Variants in DTNA observed in about 807,000 individuals in gnomAD.
DTNA encodes dystrobrevin alpha, also known as dystrophin-related protein 3.
Under a neutral mutation model 100.7 loss-of-function variants are expected in DTNA, and 43 were observed. The ratio of observed to expected loss-of-function variants is 0.43; its 90% CI spans 0.33 to 0.55. The LOEUF is 0.55. Ranked by LOEUF, DTNA falls within the 20% of genes least tolerant of loss-of-function variation. DTNA has a pLI of 0.04. For missense variants in DTNA, 798 were observed against 953.9 expected, an observed-to-expected ratio of 0.84 and a Z score of 2.15; for synonymous variants, 349 against 347.9, an observed-to-expected ratio of 1.00 and a Z score of -0.04.
intron 7 of DTNA, among the ~76,000 whole-genome samples, chr18:34,816,791 T>A (rs569924568): frequency 6.6e-6 from 1 of 152,354 alleles, no homozygotes; most frequent in South Asian, 2.1e-4. Context: ...ATTTCTTTAA[T>A]ATACATTGCA....
chr18:34,712,197 A>C (rs1274913577), intron 1 of DTNA, among the ~76,000 whole-genome samples: 1 of 152,134 alleles, frequency 6.6e-6, no homozygotes, highest in Non-Finnish European at 1.5e-5. Context: ...AAAGATATAC[A>C]AAAGGTAAAG....
chr18:34,665,564 C>T (rs540945942), intron 1 of DTNA, among the ~76,000 whole-genome samples: 1 of 152,194 alleles, frequency 6.6e-6, no homozygotes, highest in African/African-American at 2.4e-5. Flanking sequence ...CTAATGCTAT[C>T]CCTCCCCACT....
chr18:34,533,902 G>A (rs748518090), intron 1 of DTNA, among the ~76,000 whole-genome samples: 3 of 152,094 alleles, frequency 2.0e-5, no homozygotes, highest in Non-Finnish European at 4.4e-5. Flanking sequence ...TTGGTGAGAC[G>A]TTTTTGTTTG....
Position 34,661,820 on chromosome 18 carries a change from C to A in DTNA, c.-1-94156C>A, listed in dbSNP as rs114050773. On this transcript the variant is annotated intron_variant, in intron 1 of 19. Transcript: ENST00000283365. ...AATTAAGTTATATATTTGGAGAAAT[C>A]AAAAATGTGGCAGCTTTCAAACCCT... Among the ~76,000 whole-genome samples, 721 of 152,176 alleles carry A rather than the reference C, an allele frequency of 4.7e-3. 6 individuals carry two copies. Among genetic ancestry groups the A allele is most frequent in the African/African-American group, 0.016 (660 of 41,546 alleles).
At chr18:34,625,447 A>G (rs550142843) in intron 1 of DTNA, among the ~76,000 whole-genome samples, 1 of 152,236 alleles carries the variant, frequency 6.6e-6, no homozygotes, top group Non-Finnish European at 1.5e-5. Context: ...TGCTGGGATT[A>G]TAGGCGTGAG....
intron 3 of DTNA, among the ~76,000 whole-genome samples, chr18:34,780,386 C>CA (rs2094264147): frequency 6.6e-6 from 1 of 152,066 alleles, no homozygotes; most frequent in Non-Finnish European, 1.5e-5. Flanking sequence ...GCCTTGTCAC[C>CA]AAAAAACACT....
At chr18:34,759,202 C>T (rs2092979312) in intron 2 of DTNA, among the ~76,000 whole-genome samples, 1 of 152,148 alleles carries the variant, frequency 6.6e-6, no homozygotes, top group South Asian at 2.1e-4. Context: ...TAAATATAAA[C>T]ATCATCCTCA....
At chr18:34,668,380 C>T (rs1405157498) in intron 1 of DTNA, among the ~76,000 whole-genome samples, 5 of 152,172 alleles carry the variant, frequency 3.3e-5, no homozygotes, top group Non-Finnish European at 7.3e-5. Flanking sequence ...AAACCAGATC[C>T]TGGATTCGTT....
intron 3 of DTNA, among the ~76,000 whole-genome samples, chr18:34,788,140 G>T (rs1568523124): frequency 6.6e-6 from 1 of 152,108 alleles, no homozygotes; most frequent in African/African-American, 2.4e-5. Context: ...GTGCCATCTA[G>T]TGGTTCATAG....
At chr18:34,690,931 C>A (rs1012837582) in intron 1 of DTNA, among the ~76,000 whole-genome samples, 3 of 152,108 alleles carry the variant, frequency 2.0e-5, no homozygotes, top group Non-Finnish European at 4.4e-5. Context: ...TTTTTATCTC[C>A]TTTTTTAAGG....
chr18:34,571,679 A>T lies in DTNA; in HGVS notation c.-2+78165A>T, dbSNP rs193000741. Among the ~76,000 whole-genome samples the T allele has an allele frequency of 9.1e-4, 138 of 152,262 alleles. 1 individual carries two copies. In the Middle Eastern group the frequency reaches 0.027, roughly 30 times the overall value. On this transcript the variant is annotated intron_variant, in intron 1 of 19. Coordinates refer to the DTNA transcript ENST00000283365. ...CTGCTTTGATGTTAGCAAGAGTTTT[A>T]TCCTGTTTAATTTAAATTAATGAAA...
At chr18:34,699,375 C>T (rs1035061730) in intron 1 of DTNA, among the ~76,000 whole-genome samples, 14 of 152,142 alleles carry the variant, frequency 9.2e-5, no homozygotes, top group African/African-American at 3.4e-4. Context: ...TCTTGCTCAG[C>T]CTTTTGTTTT....
At chr18:34,643,917 AT>A (rs2148413696) in intron 1 of DTNA, among the ~76,000 whole-genome samples, 1 of 152,260 alleles carries the variant, frequency 6.6e-6, no homozygotes, top group East Asian at 1.9e-4. Flanking sequence ...ATATAATATA[AT>A]CTAGATCTAC....
At chr18:34,716,072 A>G (rs1008268557) in intron 1 of DTNA, among the ~76,000 whole-genome samples, 1 of 152,180 alleles carries the variant, frequency 6.6e-6, no homozygotes, top group African/African-American at 2.4e-5. Flanking sequence ...CAAGCTGGCA[A>G]TGTGTAGCAA....
rs372103420 is a variant in DTNA at position 34,675,261 on chromosome 18, T to C, written c.-1-80715T>C. On this transcript the variant is annotated intron_variant, in intron 1 of 19. Transcript: ENST00000283365. ...CGTACCCACCCTGCACAACCAAAAA[T>C]GTCTCCAAACATTGTCATATGTCCC... Among the ~76,000 whole-genome samples, 135 of 152,080 alleles carry C rather than the reference T, an allele frequency of 8.9e-4. 1 individual carries two copies. The South Asian group carries it at 0.027, about 30-fold the overall frequency.
At chr18:34,673,127 C>T (rs1028313063) in intron 1 of DTNA, among the ~76,000 whole-genome samples, 2 of 152,136 alleles carry the variant, frequency 1.3e-5, no homozygotes, top group African/African-American at 4.8e-5. Flanking sequence ...CACTCTGTCA[C>T]TCAGGCTGAA....
chr18:34,766,164 A>G, intron 3 of DTNA, 123 bp downstream of exon 3: 1 of 1,142,950 alleles, frequency 8.7e-7, no homozygotes, highest in Non-Finnish European at 1.3e-6. Flanking sequence ...TGTTTACACA[A>G]CAATAAAAGG....
chr18:34,561,584 G>A (rs2046641401), intron 1 of DTNA, among the ~76,000 whole-genome samples: 1 of 151,982 alleles, frequency 6.6e-6, no homozygotes, highest in African/African-American at 2.4e-5. Context: ...ATAACAGGTT[G>A]GGCATGGTGG....
intron 1 of DTNA, among the ~76,000 whole-genome samples, chr18:34,571,293 T>G (rs1390577440): frequency 6.6e-6 from 1 of 152,182 alleles, no homozygotes; most frequent in Non-Finnish European, 1.5e-5. Flanking sequence ...TCATCAGTAT[T>G]TCTAAAATGT....
Sources: gnomAD v4.1 joint callset for allele counts (sites outside exome capture counted in the v4.1 genomes callset) on GRCh38, gnomAD v4.1.1 for gene constraint, MANE v1.5 for transcripts, NCBI Gene and HGNC (gene_info 2026-07-23, HGNC 2026-07-21) for gene names.